The following GLMN variants were observed in gnomAD, a reference collection of about 807,000 sequenced individuals.
The protein encoded by GLMN is glomulin.
In GLMN, 75 loss-of-function variants were observed where a neutral mutation model predicts 87.8. The observed-to-expected ratio is 0.85, with a 90% CI of 0.71 to 1.04. GLMN has a LOEUF of 1.04. Among genes scored for constraint, GLMN ranks in the 50% least tolerant of loss-of-function variants. The probability of loss-of-function intolerance (pLI) is 0.00; values close to 1 mark genes in which losing one functional copy is unlikely to be tolerated. For synonymous variants in GLMN, 206 were observed against 221.6 expected, an observed-to-expected ratio of 0.93 and a Z score of 0.63; for missense variants, 588 against 658.8, an observed-to-expected ratio of 0.89 and a Z score of 1.18.
At chr1:92,284,751 C>T (rs771732441) in intron 7 of GLMN, among the ~76,000 whole-genome samples, 1 of 151,532 alleles carries the variant, frequency 6.6e-6, no homozygotes, top group Non-Finnish European at 1.5e-5. Flanking sequence ...CCAGAATCTA[C>T]AAAGAACTTA....
At chr1:92,357,842 A>T in the GLMN span, among the ~76,000 whole-genome samples, 1 of 152,196 alleles carries the variant, frequency 6.6e-6, no homozygotes, top group African/African-American at 2.4e-5. Context: ...CCTGAGATAA[A>T]TTCTTTAATG....
At chr1:92,334,596 C>T in the GLMN span, among the ~76,000 whole-genome samples, 1 of 151,984 alleles carries the variant, frequency 6.6e-6, no homozygotes, top group Non-Finnish European at 1.5e-5. Context: ...GCCTGTAATC[C>T]CAGAACTTTG....
At chr1:92,320,239 T>G in the GLMN span, among the ~76,000 whole-genome samples, 1 of 152,042 alleles carries the variant, frequency 6.6e-6, no homozygotes, top group Non-Finnish European at 1.5e-5. Flanking sequence ...CCAGATTTCT[T>G]GTTGATGAAT....
chr1:92,329,622 A>G, the GLMN span, among the ~76,000 whole-genome samples: 2 of 152,126 alleles, frequency 1.3e-5, no homozygotes, highest in Admixed American at 6.5e-5. Context: ...GAGTCTCCAC[A>G]TGCCGCTCTG....
At chr1:92,247,418 T>C in intron 17 of GLMN, among the ~76,000 whole-genome samples, 1 of 152,196 alleles carries the variant, frequency 6.6e-6, no homozygotes, top group East Asian at 1.9e-4. Flanking sequence ...ATAATCAGAA[T>C]TATAGCCATT....
the GLMN span, among the ~76,000 whole-genome samples, chr1:92,316,539 A>T: frequency 6.6e-6 from 1 of 152,242 alleles, no homozygotes; most frequent in African/African-American, 2.4e-5. Flanking sequence ...TGCTAAAATG[A>T]AAACCAATCA....
the GLMN span, among the ~76,000 whole-genome samples, chr1:92,339,032 A>G: frequency 0.15 from 22,442 of 152,170 alleles, 2,103 homozygotes; most frequent in South Asian, 0.26. Flanking sequence ...AATAAGCCCT[A>G]TGGTCTCCAA....
At chr1:92,304,110 T>C in the GLMN span, 2 of 1,460,548 alleles carry the variant, frequency 1.4e-6, no homozygotes, top group Non-Finnish European at 9.5e-7. Context: ...TATAGGCTTT[T>C]ATTATTTTCA....
chr1:92,343,845 T>C, the GLMN span, among the ~76,000 whole-genome samples: 1 of 152,260 alleles, frequency 6.6e-6, no homozygotes, highest in Admixed American at 6.5e-5. Flanking sequence ...AGTTGTACTT[T>C]TTAATACTGT....
In GLMN at chr1:92,247,890, T is replaced by A. The variant is rs1406647358; in HGVS notation, c.1573A>T (p.Lys525Ter). 1.6e-6 allele frequency: 2 copies of A among 1,260,188 alleles called. No homozygotes were observed. The highest frequency in any genetic ancestry group is 2.3e-5 in the East Asian group (1 of 43,152). 78.1% of individuals were successfully genotyped at this position (1,260,188 alleles called of 1,614,324 possible). Residue 525 changes from lysine to a stop codon, truncating the protein, a stop_gained, in exon 17 of 19, where the codon AAA becomes TAA. Transcript: ENST00000370360. LOFTEE classifies it high-confidence loss of function. The part of the protein sequence containing the change: ...MSKAHYEAEI[K>*]NSQEAQKSKD... The stretch of plus-strand genomic sequence containing the variant: ...GCACATTACCAACCTTGGCTATTTT[T>A]AATTTCTGCTTCATAATGTGCTTTT...
chr1:92,252,740 T>G (rs938157245), intron 16 of GLMN, among the ~76,000 whole-genome samples: 1 of 151,844 alleles, frequency 6.6e-6, no homozygotes, highest in Non-Finnish European at 1.5e-5. Context: ...AAAATCACAT[T>G]TTAAGATTTC....
At chr1:92,342,777 T>C in the GLMN span, among the ~76,000 whole-genome samples, 44,985 of 151,968 alleles carry the variant, frequency 0.3, 8,320 homozygotes, top group East Asian at 0.85. Flanking sequence ...GAGTCAAGTT[T>C]AACCATAAGA....
chr1:92,356,932 G>A, the GLMN span, among the ~76,000 whole-genome samples: 4 of 151,932 alleles, frequency 2.6e-5, no homozygotes, highest in East Asian at 2.0e-4. Flanking sequence ...GCATGATGGC[G>A]GGGACCGCCT....
In GLMN at chr1:92,291,403, G is replaced by T; in HGVS notation, c.285+15C>A. ...TGTGTGTTATGATAAAGAGAACCTT[G>T]TTTTGTTAACTTACCTTTACCAATA... On this transcript the variant is annotated intron_variant, in intron 4 of 18. Transcript: ENST00000370360. 1.3e-6 allele frequency: 2 copies of T among 1,538,536 alleles called. No homozygotes were observed. The highest frequency in any genetic ancestry group is 1.8e-6 in the Non-Finnish European group (2 of 1,111,746).
At chr1:92,277,916 C>T (rs753751358) in intron 7 of GLMN, among the ~76,000 whole-genome samples, 2 of 151,856 alleles carry the variant, frequency 1.3e-5, no homozygotes, top group Non-Finnish European at 1.5e-5. Flanking sequence ...TGATTTATTG[C>T]CAGTCAGTTA....
At chr1:92,281,397 C>A (rs1022446234) in intron 7 of GLMN, among the ~76,000 whole-genome samples, 1 of 152,106 alleles carries the variant, frequency 6.6e-6, no homozygotes, top group Non-Finnish European at 1.5e-5. Flanking sequence ...GAAATAAAAT[C>A]CTTTACAGAC....
intron 7 of GLMN, among the ~76,000 whole-genome samples, chr1:92,272,420 T>C (rs1656331187): frequency 6.6e-6 from 1 of 152,228 alleles, no homozygotes; most frequent in South Asian, 2.1e-4. Context: ...TAGCATTTTA[T>C]ACATCAGAAG....
At chr1:92,290,571 A>C (rs929470069) in intron 4 of GLMN, among the ~76,000 whole-genome samples, 10 of 152,200 alleles carry the variant, frequency 6.6e-5, no homozygotes. Flanking sequence ...TCCACTCTGA[A>C]ATTGCCTTAA....
chr1:92,305,039 G>A, the GLMN span, among the ~76,000 whole-genome samples: 2 of 152,018 alleles, frequency 1.3e-5, no homozygotes, highest in Non-Finnish European at 2.9e-5. Context: ...GAAAGCTGAG[G>A]CACATGCATC....
Sources: gnomAD v4.1 joint callset for allele counts (sites outside exome capture counted in the v4.1 genomes callset) on GRCh38, gnomAD v4.1.1 for gene constraint, MANE v1.5 for transcripts, NCBI Gene and HGNC (gene_info 2026-07-23, HGNC 2026-07-21) for gene names.